Variants in FOS observed in about 807,000 individuals in gnomAD.
The protein encoded by FOS is Fos proto-oncogene, AP-1 transcription factor subunit.
A neutral mutation model predicts 27.2 loss-of-function variants in FOS; 9 were observed. The observed-to-expected ratio is 0.33, with a 90% confidence interval of 0.20 to 0.58. The LOEUF (loss-of-function observed/expected upper bound fraction) is 0.58. Ranked by LOEUF, FOS falls within the 20% of genes least tolerant of loss-of-function variation. The pLI is 0.87. For synonymous variants in FOS, 213 were observed against 205.1 expected (o/e 1.04, Z -0.33); for missense variants, 405 against 483.5 (o/e 0.84, Z 1.52).
Position 75,279,749 on chromosome 14 carries a change from AC to A in FOS, c.142-127del. ...GGAGACCTTTCATCCAGGATGAGGG[AC>A]ATTTAAGATGAAATGTCCGTGGCAG... On this transcript the variant is annotated intron_variant, in intron 1 of 3. Coordinates refer to ENST00000303562, the MANE Select transcript of FOS (RefSeq NM_005252.4). The surrounding 1 kb of genome is among the most constrained non-coding windows in gnomAD (Gnocchi z 5.4). 2.7e-6 allele frequency: 3 copies of A among 1,099,376 alleles called. No individual in the cohort carries two copies. The South Asian group carries it at 4.6e-5, about 17-fold the overall frequency. 68.1% of individuals were successfully genotyped at this position (1,099,376 alleles called of 1,614,324 possible).
rs1897236246 is a variant in FOS, at chr14:75,282,227, G to T, written c.*803G>T. 1 of 152,148 alleles carries T rather than the reference G, an allele frequency of 6.6e-6. No individual in the cohort carries two copies. The highest frequency in any genetic ancestry group is 2.4e-5 in the African/African-American group (1 of 41,428). The allele number at this position is 152,148 out of a possible 1,614,324, so 9.4% of individuals were successfully genotyped here. On this transcript the variant is annotated 3_prime_UTR_variant, in exon 4 of 4. Transcript: ENST00000303562. ...GTCAATAAAAGCATTTAAGTTGAATGCGACCAACCTTGTGCTCTTTTCATT... is the reference window on the plus strand; with the variant it reads ...GTCAATAAAAGCATTTAAGTTGAATTCGACCAACCTTGTGCTCTTTTCATT...
chr14:75,280,877 C>T lies in FOS; in HGVS notation c.596C>T (p.Ala199Val), dbSNP rs781405098. The change falls in exon 4 of 4, where the codon GCT (alanine) becomes GTT (valine). Residue 199 changes from alanine to valine, a missense_variant. Coordinates refer to ENST00000303562, the MANE Select transcript of FOS (RefSeq NM_005252.4). ...EKEKLEFILA[A>V]HRPACKIPDD... ...GAAAAACTAGAGTTCATCCTGGCAG[C>T]TCACCGACCTGCCTGCAAGATCCCT... 1.9e-6 allele frequency: 3 copies of T among 1,614,116 alleles called. No homozygotes were observed. The highest frequency in any genetic ancestry group is 2.2e-5 in the East Asian group (1 of 44,880).
In FOS at chr14:75,278,890, C is replaced by A; in HGVS notation, c.-93C>A. On this transcript the variant is annotated 5_prime_UTR_variant, in exon 1 of 4. Transcript: ENST00000303562. This position sits in a 1 kb window ranked among gnomAD's most constrained non-coding sequence, Gnocchi z 4.1. ...GAGCCGGCGGCCGCGGCGCAGCGAA[C>A]GAGCAGTGACCGTGCTCCTACCCAG... The A allele has an allele frequency of 1.3e-6, 2 of 1,486,986 alleles. No homozygotes were observed. The highest frequency in any genetic ancestry group is 1.8e-6 in the Non-Finnish European group (2 of 1,091,178). The allele number at this position is 1,486,986 out of a possible 1,614,324, so 92.1% of individuals were successfully genotyped here.
chr14:75,279,690 G>A lies in FOS; in HGVS notation c.142-187G>A. The A allele has an allele frequency of 1.5e-6, 1 of 653,522 alleles. No homozygotes were observed. Among genetic ancestry groups the A allele is most frequent in the Middle Eastern group, 4.2e-4 (1 of 2,392 alleles). The allele number at this position is 653,522 out of a possible 1,614,324, so 40.5% of individuals were successfully genotyped here. A position where few individuals can be genotyped will look rare whatever the true frequency, so the allele number is the denominator to read the frequency against. On this transcript the variant is annotated intron_variant, in intron 1 of 3. Coordinates refer to ENST00000303562, the MANE Select transcript of FOS (RefSeq NM_005252.4). The surrounding 1 kb of genome is among the most constrained non-coding windows in gnomAD (Gnocchi z 5.4). ...CGCAGCGGCAGGATGGAAGAGACAG[G>A]CACTGCGCTGCGGAATGCCTGGGAG...
Position 75,280,145 on chromosome 14 carries a change from T to C in FOS, c.393+17T>C, listed in dbSNP as rs767588227. ...GTGGAACAGGTGAGGAACTCTAGCG[T>C]ACTCTTCCTGGGAATGTGGGGGCTG... On this transcript the variant is annotated intron_variant, in intron 2 of 3. Transcript: ENST00000303562. 6.2e-7 allele frequency: 1 copy of C among 1,613,454 alleles called. No homozygotes were observed. Among genetic ancestry groups the C allele is most frequent in the Non-Finnish European group, 8.5e-7 (1 of 1,179,984 alleles).
At position 75,279,960 on chromosome 14, in the gene FOS, G is replaced by T. The variant is rs1897207533; in HGVS notation, c.225G>T (p.Trp75Cys). The T allele has an allele frequency of 6.2e-7, 1 of 1,614,188 alleles. No homozygotes were observed. The highest frequency in any genetic ancestry group is 2.2e-5 in the East Asian group (1 of 44,882). Residue 75 changes from tryptophan (W) to cysteine (C), a missense_variant, in exon 2 of 4, where the codon TGG becomes TGT. Coordinates refer to ENST00000303562, the MANE Select transcript of FOS (RefSeq NM_005252.4). This position sits in a 1 kb window ranked among gnomAD's most constrained non-coding sequence, Gnocchi z 5.4. ...TCTCGACCAGTCCGGACCTGCAGTG[G>T]CTGGTGCAGCCCGCCCTCGTCTCCT... ...TAISTSPDLQ[W>C]LVQPALVSSV...
At position 75,279,139 on chromosome 14, in the gene FOS, C is replaced by T. The variant is rs980977087; in HGVS notation, c.141+16C>T. 3.7e-6 allele frequency: 6 copies of T among 1,611,844 alleles called. No individual in the cohort carries two copies. Among genetic ancestry groups the T allele is most frequent in the Middle Eastern group, 1.6e-4 (1 of 6,062 alleles). On this transcript the variant is annotated intron_variant, in intron 1 of 3. Transcript: ENST00000303562. The surrounding 1 kb of genome is among the most constrained non-coding windows in gnomAD (Gnocchi z 5.4). Reference sequence around the variant, plus strand: ...CAACGCGCAGGTAAGGCTGGCTTCCCGTCGCCGCGGGGCCGGGGGCTTGGG... The same window carrying T: ...CAACGCGCAGGTAAGGCTGGCTTCCTGTCGCCGCGGGGCCGGGGGCTTGGG...
chr14:75,280,305 T>C, intron 2 of FOS, 177 bp downstream of exon 2: 1 of 819,482 alleles, frequency 1.2e-6, no homozygotes. Flanking sequence ...AGTCTCACCC[T>C]AAGAAGTACT....
At position 75,281,250 on chromosome 14, in the gene FOS, G is replaced by T; in HGVS notation, c.969G>T (p.Leu323=). The T allele has an allele frequency of 2.5e-6, 4 of 1,612,254 alleles. No homozygotes were observed. The highest frequency in any genetic ancestry group is 3.4e-6 in the Non-Finnish European group (4 of 1,180,018). Residue 323 remains leucine (L), a synonymous_variant, in exon 4 of 4, where the codon CTG becomes CTT. Coordinates refer to ENST00000303562, the MANE Select transcript of FOS (RefSeq NM_005252.4). The surrounding 1 kb of genome is among the most constrained non-coding windows in gnomAD (Gnocchi z 4.7). ...CCATGGCCACAGAGCTGGAGCCCCT[G>T]TGCACTCCGGTGGTCACCTGTACTC... is the stretch of plus-strand genomic sequence containing the variant. ...MGPMATELEP[L]CTPVVTCTPS...
At position 75,279,459 on chromosome 14, in the gene FOS, G is replaced by A. The variant is rs1216415508; in HGVS notation, c.141+336G>A. ...GGCTTCTCCGGGGAGGTGGCAGAAA[G>A]CGGCAATCCCCCCTCCCCCGGCAGC... On this transcript the variant is annotated intron_variant, in intron 1 of 3. Coordinates refer to ENST00000303562, the MANE Select transcript of FOS (RefSeq NM_005252.4). The surrounding 1 kb of genome is among the most constrained non-coding windows in gnomAD (Gnocchi z 5.4). 2 of 446,990 alleles carry A rather than the reference G, an allele frequency of 4.5e-6. No homozygotes were observed. 27.7% of individuals were successfully genotyped at this position (446,990 alleles called of 1,614,324 possible).
rs1473426535 is a variant in FOS, at chr14:75,279,098, G to C, written c.116G>C (p.Ser39Thr). 6.2e-7 allele frequency: 1 copy of C among 1,613,348 alleles called. No homozygotes were observed. Among genetic ancestry groups the C allele is most frequent in the African/African-American group, 1.3e-5 (1 of 74,934 alleles). Residue 39 changes from serine to threonine, a missense_variant, in exon 1 of 4, where the codon AGC becomes ACC. Physicochemically the swap from Ser to Thr is moderately conservative, Grantham distance 58. Coordinates refer to ENST00000303562, the MANE Select transcript of FOS (RefSeq NM_005252.4). The surrounding 1 kb of genome is among the most constrained non-coding windows in gnomAD (Gnocchi z 5.4). ...YYHSPADSFS[S>T]MGSPVNAQDF... Reference sequence around the variant, plus strand: ...CACTCACCCGCAGACTCCTTCTCCAGCATGGGCTCGCCTGTCAACGCGCAG... The same window carrying C: ...CACTCACCCGCAGACTCCTTCTCCACCATGGGCTCGCCTGTCAACGCGCAG...
At position 75,280,598 on chromosome 14, in the gene FOS, G is replaced by A; in HGVS notation, c.432G>A (p.Arg144=). ...PEEEEKRRIR[R]ERNKMAAAKC... ...AAGAAGAGAAAAGGAGAATCCGAAG[G>A]GAAAGGAATAAGATGGCTGCAGCCA... is the stretch of plus-strand genomic sequence containing the variant. The change falls in exon 3 of 4, where the codon AGG becomes AGA. Residue 144 remains arginine (R), a synonymous_variant. Transcript: ENST00000303562. 9.3e-6 allele frequency: 15 copies of A among 1,614,118 alleles called. No individual in the cohort carries two copies. The highest frequency in any genetic ancestry group is 1.3e-5 in the Non-Finnish European group (15 of 1,179,986).
rs779134382 is a variant in FOS, at chr14:75,280,683, G to A, written c.501+16G>A. The A allele has an allele frequency of 6.3e-7, 1 of 1,581,054 alleles. No individual in the cohort carries two copies. The highest frequency in any genetic ancestry group is 8.6e-7 in the Non-Finnish European group (1 of 1,169,064). ...ACTCCAAGCGGTAGGTACTCTGTGGGTTGCTCCTTTTTAAAACTTAAGGGG... is the reference window on the plus strand; with the variant it reads ...ACTCCAAGCGGTAGGTACTCTGTGGATTGCTCCTTTTTAAAACTTAAGGGG... On this transcript the variant is annotated intron_variant, in intron 3 of 3. Coordinates refer to ENST00000303562, the MANE Select transcript of FOS (RefSeq NM_005252.4).
chr14:75,281,155 A>G lies in FOS; in HGVS notation c.874A>G (p.Met292Val). ...TGAGACAGCCCGCTCCGTGCCAGAC[A>G]TGGACCTATCTGGGTCCTTCTATGC... ...GSETARSVPD[M>V]DLSGSFYAAD... Residue 292 changes from methionine (M) to valine (V), a missense_variant, in exon 4 of 4, where the codon ATG becomes GTG. Physicochemically the swap from Met to Val is conservative, Grantham distance 21. Coordinates refer to ENST00000303562, the MANE Select transcript of FOS (RefSeq NM_005252.4). The surrounding 1 kb of genome is among the most constrained non-coding windows in gnomAD (Gnocchi z 4.7). 1.2e-6 allele frequency: 2 copies of G among 1,610,936 alleles called. No individual in the cohort carries two copies. The highest frequency in any genetic ancestry group is 1.1e-5 in the South Asian group (1 of 91,086).
rs1376432483 is a variant in FOS at position 75,279,090 on chromosome 14, C to T, written c.108C>T (p.Ser36=). Residue 36 remains serine (S), a synonymous_variant, in exon 1 of 4, where the codon TCC becomes TCT. Transcript: ENST00000303562. The surrounding 1 kb of genome is among the most constrained non-coding windows in gnomAD (Gnocchi z 5.4). ...SLSYYHSPAD[S]FSSMGSPVNA... Reference sequence around the variant, plus strand: ...CTTACTACCACTCACCCGCAGACTCCTTCTCCAGCATGGGCTCGCCTGTCA... The same window carrying T: ...CTTACTACCACTCACCCGCAGACTCTTTCTCCAGCATGGGCTCGCCTGTCA... 6.2e-7 allele frequency: 1 copy of T among 1,613,634 alleles called. No individual in the cohort carries two copies. The highest frequency in any genetic ancestry group is 8.5e-7 in the Non-Finnish European group (1 of 1,179,934).
Position 75,280,143 on chromosome 14 carries a change from C to A in FOS, c.393+15C>A. 1 of 1,613,506 alleles carries A rather than the reference C, an allele frequency of 6.2e-7. No homozygotes were observed. Among genetic ancestry groups the A allele is most frequent in the South Asian group, 1.1e-5 (1 of 91,084 alleles). ...AGGTGGAACAGGTGAGGAACTCTAGCGTACTCTTCCTGGGAATGTGGGGGC... is the reference window on the plus strand; with the variant it reads ...AGGTGGAACAGGTGAGGAACTCTAGAGTACTCTTCCTGGGAATGTGGGGGC... On this transcript the variant is annotated intron_variant, in intron 2 of 3. Coordinates refer to ENST00000303562, the MANE Select transcript of FOS (RefSeq NM_005252.4).
chr14:75,280,686 G>A lies in FOS; in HGVS notation c.501+19G>A. On this transcript the variant is annotated intron_variant, in intron 3 of 3. Transcript: ENST00000303562. Reference sequence around the variant, plus strand: ...CCAAGCGGTAGGTACTCTGTGGGTTGCTCCTTTTTAAAACTTAAGGGGAAA... The same window carrying A: ...CCAAGCGGTAGGTACTCTGTGGGTTACTCCTTTTTAAAACTTAAGGGGAAA... 1 of 1,565,784 alleles carries A rather than the reference G, an allele frequency of 6.4e-7. No individual in the cohort carries two copies. Among genetic ancestry groups the A allele is most frequent in the Non-Finnish European group, 8.6e-7 (1 of 1,162,442 alleles).
Position 75,279,962 on chromosome 14 carries a change from T to C in FOS, c.227T>C (p.Leu76Pro). Reference protein sequence around the residue: ...AISTSPDLQWLVQPALVSSVA... With the variant: ...AISTSPDLQWPVQPALVSSVA... ...TCGACCAGTCCGGACCTGCAGTGGC[T>C]GGTGCAGCCCGCCCTCGTCTCCTCC... The change falls in exon 2 of 4, where the codon CTG (leucine) becomes CCG (proline). Residue 76 changes from leucine (L) to proline (P), a missense_variant. Leu to Pro is a moderately conservative substitution (Grantham distance 98, BLOSUM62 -3). Coordinates refer to ENST00000303562, the MANE Select transcript of FOS (RefSeq NM_005252.4). The surrounding 1 kb of genome is among the most constrained non-coding windows in gnomAD (Gnocchi z 5.4). 1 of 1,614,158 alleles carries C rather than the reference T, an allele frequency of 6.2e-7. No individual in the cohort carries two copies. Among genetic ancestry groups the C allele is most frequent in the Non-Finnish European group, 8.5e-7 (1 of 1,180,034 alleles).
In FOS at chr14:75,279,259, C is replaced by T; in HGVS notation, c.141+136C>T. The stretch of plus-strand genomic sequence containing the variant: ...GAGGCTGCCGTGGCCGGAGCGGTGC[C>T]GGCTCGGGGGCTCGGGACTTGCTCT... On this transcript the variant is annotated intron_variant, in intron 1 of 3. Transcript: ENST00000303562. The surrounding 1 kb of genome is among the most constrained non-coding windows in gnomAD (Gnocchi z 5.4). 3.4e-6 allele frequency: 4 copies of T among 1,190,836 alleles called. No individual in the cohort carries two copies. In the South Asian group the frequency reaches 4.0e-5, roughly 12 times the overall value. 73.8% of individuals were successfully genotyped at this position (1,190,836 alleles called of 1,614,324 possible). A position where few individuals can be genotyped will look rare whatever the true frequency, so the allele number is the denominator to read the frequency against.
Sources: gnomAD v4.1 joint callset for allele counts on GRCh38, gnomAD v4.1.1 for gene constraint, Gnocchi (gnomAD v3.1) non-coding constraint, MANE v1.5 for transcripts, NCBI Gene and HGNC (gene_info 2026-07-23, HGNC 2026-07-21) for gene names.